SEMA3C: variants seen among roughly 807,000 people sequenced by gnomAD.
SEMA3C encodes the protein semaphorin-3C.
In SEMA3C, 47 loss-of-function variants were observed where a neutral mutation model predicts 89.4. The ratio of observed to expected loss-of-function variants is 0.53; its 90% CI spans 0.42 to 0.67. The LOEUF (loss-of-function observed/expected upper bound fraction) is 0.67. Among genes scored for constraint, SEMA3C ranks in the 30% least tolerant of loss-of-function variants. The probability of loss-of-function intolerance (pLI) is 0.00; values close to 1 mark genes in which losing one functional copy is unlikely to be tolerated. For missense variants in SEMA3C, 839 were observed against 929.1 expected (o/e 0.90, Z 1.26); for synonymous variants, 310 against 320.2 (o/e 0.97, Z 0.34).
chr7:80,918,274 CA>C (rs1333960386), intron 1 of SEMA3C: 3 of 152,118 alleles, frequency 2.0e-5, no homozygotes, highest in African/African-American at 7.2e-5. Flanking sequence ...ATTATTTACA[CA>C]TTTTTTTTAC....
At chr7:80,754,530 T>C (rs1164267457) in intron 15 of SEMA3C, among the ~76,000 whole-genome samples, 4 of 152,120 alleles carry the variant, frequency 2.6e-5, no homozygotes, top group Admixed American at 2.0e-4. Flanking sequence ...AAAACTCATA[T>C]GGGAATTTAC....
chr7:80,834,312 G>A (rs1189078057), intron 2 of SEMA3C, among the ~76,000 whole-genome samples: 1 of 152,076 alleles, frequency 6.6e-6, no homozygotes, highest in Non-Finnish European at 1.5e-5. Context: ...AAAATTTGCT[G>A]CACAATATGC....
chr7:80,827,844 A>G (rs1009228943), intron 3 of SEMA3C, among the ~76,000 whole-genome samples: 15 of 152,154 alleles, frequency 9.9e-5, no homozygotes, highest in African/African-American at 3.4e-4. Context: ...ATCTACACTT[A>G]CATATCTTTC....
intron 2 of SEMA3C, among the ~76,000 whole-genome samples, chr7:80,879,509 A>G (rs1791283933): frequency 6.6e-6 from 1 of 152,144 alleles, no homozygotes; most frequent in South Asian, 2.1e-4. Context: ...GAGGGGAAGG[A>G]ACACAGATTC....
At chr7:80,889,064 T>C (rs1791549946) in intron 2 of SEMA3C, among the ~76,000 whole-genome samples, 1 of 152,164 alleles carries the variant, frequency 6.6e-6, no homozygotes, top group African/African-American at 2.4e-5. Flanking sequence ...GGTTTTACCA[T>C]GTTGGCCAGG....
At chr7:80,874,745 G>C (rs1182057866) in intron 2 of SEMA3C, among the ~76,000 whole-genome samples, 1 of 152,046 alleles carries the variant, frequency 6.6e-6, no homozygotes, top group African/African-American at 2.4e-5. Context: ...AGGGATTACA[G>C]GCATGAGCCA....
At chr7:80,871,206 G>A (rs1255886180) in intron 2 of SEMA3C, among the ~76,000 whole-genome samples, 1 of 152,112 alleles carries the variant, frequency 6.6e-6, no homozygotes, top group Non-Finnish European at 1.5e-5. Context: ...AGTCAAGAGG[G>A]GAGCGAGTAG....
intron 5 of SEMA3C, among the ~76,000 whole-genome samples, chr7:80,812,596 C>A (rs17154487): frequency 6.6e-6 from 1 of 152,070 alleles, no homozygotes; most frequent in Non-Finnish European, 1.5e-5. Context: ...CTCAACTGAC[C>A]TACTCCTACA....
chr7:80,891,759 T>C (rs1791619242), intron 2 of SEMA3C, among the ~76,000 whole-genome samples: 1 of 152,154 alleles, frequency 6.6e-6, no homozygotes. Flanking sequence ...CTATGAGGAC[T>C]AGTGATTTCG....
chr7:80,762,821 A>G (rs1788216108), intron 13 of SEMA3C, among the ~76,000 whole-genome samples: 1 of 152,222 alleles, frequency 6.6e-6, no homozygotes, highest in African/African-American at 2.4e-5. Flanking sequence ...TCAAAAAATA[A>G]TAATAATAAT....
In SEMA3C at chr7:80,823,994, T is replaced by C. The variant is rs931971686; in HGVS notation, c.327+3431A>G. Among the ~76,000 whole-genome samples the C allele has an allele frequency of 2.6e-5, 4 of 152,168 alleles. No homozygotes were observed. The East Asian group carries it at 7.7e-4, about 29-fold the overall frequency. ...AATCCGACCATGAAAATTTATTTTCTTTAAAAACGTTAGTTTATTACAGAA... is the reference window on the plus strand; with the variant it reads ...AATCCGACCATGAAAATTTATTTTCCTTAAAAACGTTAGTTTATTACAGAA... On this transcript the variant is annotated intron_variant, in intron 4 of 17. Coordinates refer to ENST00000265361, the MANE Select transcript of SEMA3C (RefSeq NM_006379.5).
At chr7:80,771,712 T>C (rs1293465880) in intron 12 of SEMA3C, among the ~76,000 whole-genome samples, 2 of 152,182 alleles carry the variant, frequency 1.3e-5, no homozygotes, top group African/African-American at 2.4e-5. Context: ...TGGAAACTCA[T>C]GTGCCAAACT....
chr7:80,910,107 A>T (rs76739198), intron 2 of SEMA3C, among the ~76,000 whole-genome samples: 4,229 of 152,224 alleles, frequency 0.028, 143 homozygotes, highest in African/African-American at 0.082. Flanking sequence ...ACTGCTCATA[A>T]TTAATTTTTC....
Position 80,758,407 on chromosome 7 carries a change from C to G in SEMA3C, c.1567G>C (p.Asp523His). The change falls in exon 15 of 18, where the codon GAC becomes CAC. Residue 523 changes from aspartate to histidine, a missense_variant. Asp to His is a moderately conservative substitution (Grantham distance 81). Transcript: ENST00000265361. ...RCHIYGTACA[D>H]CCLARDPYCA... ...TAAGGGTCCCGCGCCAGGCAGCAGTCAGCACAGGCTGTACCATAGATGTGG... is the reference window on the plus strand; with the variant it reads ...TAAGGGTCCCGCGCCAGGCAGCAGTGAGCACAGGCTGTACCATAGATGTGG... The G allele has an allele frequency of 6.2e-7, 1 of 1,614,114 alleles. No homozygotes were observed. The highest frequency in any genetic ancestry group is 1.1e-5 in the South Asian group (1 of 91,066).
chr7:80,851,504 TAAAAAAAAAA>T (rs35936052), intron 2 of SEMA3C, among the ~76,000 whole-genome samples: 4 of 69,792 alleles, frequency 5.7e-5, no homozygotes, highest in African/African-American at 1.6e-4. Context: ...CTCTTGTCTT[TAAAAAAAAAA>T]AAAAAAAAAA....
At chr7:80,867,935 T>G (rs1159050948) in intron 2 of SEMA3C, among the ~76,000 whole-genome samples, 8 of 152,228 alleles carry the variant, frequency 5.3e-5, no homozygotes, top group Non-Finnish European at 8.8e-5. Context: ...GCATATGCTC[T>G]GTCTAAAGAG....
At chr7:80,881,826 A>G (rs1463056847) in intron 2 of SEMA3C, among the ~76,000 whole-genome samples, 1 of 152,212 alleles carries the variant, frequency 6.6e-6, no homozygotes, top group Non-Finnish European at 1.5e-5. Flanking sequence ...ATCAAGCCAC[A>G]TAAAATTTGT....
rs527702555 is a variant in SEMA3C at position 80,844,066 on chromosome 7, C to T, written c.104-15321G>A. Among the ~76,000 whole-genome samples, 14 of 152,084 alleles carry T rather than the reference C, an allele frequency of 9.2e-5. No homozygotes were observed. In the South Asian group the frequency reaches 2.7e-3, roughly 29 times the overall value. Reference sequence around the variant, plus strand: ...TGCAGATGAATCATGGGTACCTTTCCCACATTTTGAATTTAAGTGCCAGTG... The same window carrying T: ...TGCAGATGAATCATGGGTACCTTTCTCACATTTTGAATTTAAGTGCCAGTG... On this transcript the variant is annotated intron_variant, in intron 2 of 17. Transcript: ENST00000265361.
chr7:80,849,479 T>G (rs558114337), intron 2 of SEMA3C, among the ~76,000 whole-genome samples: 1 of 152,184 alleles, frequency 6.6e-6, no homozygotes, highest in Non-Finnish European at 1.5e-5. Flanking sequence ...TACAAATGTA[T>G]ATGCATAAAA....
Sources: allele counts gnomAD v4.1 joint callset (sites outside exome capture counted in the v4.1 genomes callset), GRCh38; gene constraint gnomAD v4.1.1; transcripts MANE v1.5; gene names NCBI Gene and HGNC (gene_info 2026-07-23, HGNC 2026-07-21).